The following PPP2R3B variants were observed in gnomAD, a reference collection of about 807,000 sequenced individuals.
PPP2R3B encodes the protein serine/threonine-protein phosphatase 2A regulatory subunit B'' subunit beta.
PPP2R3B carries 68 observed loss-of-function variants against 72.9 expected under a neutral mutation model. The observed-to-expected ratio is 0.93, with a 90% CI of 0.77 to 1.14. PPP2R3B has a LOEUF of 1.14. Among genes scored for constraint, PPP2R3B ranks in the 50% most tolerant of loss-of-function variants. PPP2R3B has a pLI of 0.00. For synonymous variants in PPP2R3B, 466 were observed against 375.8 expected, an observed-to-expected ratio of 1.24 and a Z score of -2.78; for missense variants, 1,018 against 842.0, an observed-to-expected ratio of 1.21 and a Z score of -2.59.
intron 2 of PPP2R3B, among the ~76,000 whole-genome samples, chrX:353,520 T>C (rs1023880191): frequency 6.6e-6 from 1 of 152,060 alleles, no homozygotes; most frequent in African/African-American, 2.4e-5. Flanking sequence ...ATAACACCCA[T>C]TCTAAACAAA....
chrX:373,669 G>A (rs2071919745), intron 1 of PPP2R3B: 2 of 220,608 alleles, frequency 9.1e-6, no homozygotes, highest in Non-Finnish European at 1.9e-5. Context: ...CCGCCGGCGC[G>A]CAGGGCTCTC....
chrX:347,938 G>A (rs2071257931), intron 2 of PPP2R3B: 2 of 469,048 alleles, frequency 4.3e-6, no homozygotes, highest in South Asian at 4.0e-5. Flanking sequence ...GACCACGCGT[G>A]GGCACTGTAA....
chrX:340,296 T>A (rs1463411135), intron 10 of PPP2R3B, among the ~76,000 whole-genome samples: 1 of 147,034 alleles, frequency 6.8e-6, no homozygotes, highest in Admixed American at 6.8e-5. Context: ...CCCGGTGAGC[T>A]CCGGCCCTAG....
chrX:339,226 C>A (rs2070985934), intron 10 of PPP2R3B, among the ~76,000 whole-genome samples: 2 of 141,492 alleles, frequency 1.4e-5, no homozygotes, highest in African/African-American at 5.3e-5. Context: ...AGGCAGAGGC[C>A]AGAGGGTGTC....
At position 340,877 on chromosome X, in the gene PPP2R3B, G is replaced by A. The variant is rs142640052; in HGVS notation, c.1239C>T (p.Leu413=). Residue 413 remains leucine (L), a synonymous_variant, in exon 10 of 13, where the codon CTC becomes CTT. Coordinates refer to ENST00000390665, the MANE Select transcript of PPP2R3B (RefSeq NM_013239.5). ...DGDGALSMFE[L]EYFYEEQCRR... ...GGCACTGCTCCTCGTAGAAGTACTC[G>A]AGCTCGAACATGGACAGGGCGCCGT... 569 of 1,612,052 alleles carry A rather than the reference G, an allele frequency of 3.5e-4. 3 individuals carry two copies. In the African/African-American group the frequency reaches 6.8e-3, roughly 19 times the overall value.
chrX:352,395 C>A lies in PPP2R3B; in HGVS notation c.511-4702G>T, dbSNP rs367822286. 5.9e-5 allele frequency among the ~76,000 whole-genome samples: 9 copies of A among 152,380 alleles called. No homozygotes were observed. The East Asian group carries it at 1.7e-3, about 29-fold the overall frequency. On this transcript the variant is annotated intron_variant, in intron 2 of 12. Coordinates refer to ENST00000390665, the MANE Select transcript of PPP2R3B (RefSeq NM_013239.5). ...CCGCAGTCCGCTACGGCGACGGCCC[C>A]CAGGCCTCCTCCCCGTGGCTCCAGT...
intron 1 of PPP2R3B, among the ~76,000 whole-genome samples, chrX:368,028 G>A (rs867479931): frequency 7.9e-5 from 12 of 152,358 alleles, no homozygotes; most frequent in South Asian, 4.1e-4. Flanking sequence ...GCCTGACAAC[G>A]CAGCCTCGGC....
intron 1 of PPP2R3B, among the ~76,000 whole-genome samples, chrX:364,541 AC>A (rs1377582075): frequency 6.6e-6 from 1 of 151,528 alleles, no homozygotes. Context: ...AAAACAGAAA[AC>A]AAAAAACAAA....
At chrX:342,049 T>TCCCAGACCCA in intron 7 of PPP2R3B, 118 bp from the exon 8 acceptor site, 1 of 1,350,540 alleles carries the variant, frequency 7.4e-7, no homozygotes, top group Non-Finnish European at 1.1e-6. Context: ...CGCCTGGGTC[T>TCCCAGACCCA]GGGAGAGCCC....
intron 1 of PPP2R3B, among the ~76,000 whole-genome samples, chrX:379,245 G>C (rs2072069705): frequency 6.6e-6 from 1 of 151,164 alleles, no homozygotes; most frequent in Non-Finnish European, 1.5e-5. Context: ...ACCTATGTGT[G>C]TGTGTGTGTA....
intron 7 of PPP2R3B, among the ~76,000 whole-genome samples, chrX:342,418 G>C (rs769355635): frequency 6.3e-5 from 7 of 110,516 alleles, no homozygotes; most frequent in African/African-American, 1.8e-4. Flanking sequence ...TGAGACCTCA[G>C]CAACGGGAGG....
At chrX:356,770 C>G (rs1413583770) in intron 2 of PPP2R3B, among the ~76,000 whole-genome samples, 1 of 147,446 alleles carries the variant, frequency 6.8e-6, no homozygotes, top group African/African-American at 2.6e-5. Flanking sequence ...ACTGCCCATA[C>G]GGCCAGGGAC....
At chrX:364,419 G>A (rs1300304339) in intron 1 of PPP2R3B, among the ~76,000 whole-genome samples, 2 of 150,500 alleles carry the variant, frequency 1.3e-5, no homozygotes, top group Admixed American at 6.6e-5. Context: ...CAATCCTGGC[G>A]CTTTGAAAGG....
intron 2 of PPP2R3B, among the ~76,000 whole-genome samples, chrX:354,134 GGGGGCTCACCCAAACACCGGGGGCTCA>G (rs2071391981): frequency 8.0e-6 from 1 of 124,956 alleles, no homozygotes; most frequent in African/African-American, 4.1e-5. Context: ...CCCAAAGACT[GGGGGCTCACCCAAACACCGGGGGCTCA>G]CCCAGGGACT....
At position 334,136 on chromosome X, in the gene PPP2R3B, G is replaced by A. The variant is rs28737189; in HGVS notation, c.*231C>T. 950 of 423,546 alleles carry A rather than the reference G, an allele frequency of 2.2e-3. 10 individuals carry two copies. Among genetic ancestry groups the A allele is most frequent in the African/African-American group, 0.016 (785 of 47,850 alleles). 26.2% of individuals were successfully genotyped at this position (423,546 alleles called of 1,614,324 possible). A position where few individuals can be genotyped will look rare whatever the true frequency, so the allele number is the denominator to read the frequency against. On this transcript the variant is annotated 3_prime_UTR_variant, in exon 13 of 13. Transcript: ENST00000390665. ...GAACGGCAAGCGCCAGAGGGTGTCC[G>A]TGTGGGAACCCGTCCCATTCACGCG...
At chrX:345,763 G>A (rs2071190691) in intron 6 of PPP2R3B, 91 bp from the exon 7 acceptor site, 1 of 1,492,942 alleles carries the variant, frequency 6.7e-7, no homozygotes, top group Non-Finnish European at 9.1e-7. Flanking sequence ...AAGGCTGGGA[G>A]GGTCGGGGCC....
intron 7 of PPP2R3B, among the ~76,000 whole-genome samples, chrX:344,267 G>GGGAGTGAGACCTCACCAACGGGAGGCC: frequency 7.1e-6 from 1 of 141,156 alleles, no homozygotes; most frequent in East Asian, 2.2e-4. Flanking sequence ...AAGGAGAGGC[G>GGGAGTGAGACCTCACCAACGGGAGGCC]GGAGTGAGAC....
At chrX:361,312 CGT>C in intron 2 of PPP2R3B, 91 bp downstream of exon 2, 1 of 1,426,210 alleles carries the variant, frequency 7.0e-7, no homozygotes, top group Non-Finnish European at 9.7e-7. Context: ...CACTCACGCT[CGT>C]GTGACACGCA....
Position 346,782 on chromosome X carries a change from G to A in PPP2R3B, c.718-7C>T. Reference sequence around the variant, plus strand: ...GGTGCGTGTTCACCACGTCCTGCGGGTGGGAAGACACGAGGCGCGTGGTGT... The same window carrying A: ...GGTGCGTGTTCACCACGTCCTGCGGATGGGAAGACACGAGGCGCGTGGTGT... On this transcript the variant is annotated splice_region_variant and splice_polypyrimidine_tract_variant and intron_variant, in intron 4 of 12. Coordinates refer to ENST00000390665, the MANE Select transcript of PPP2R3B (RefSeq NM_013239.5). The A allele has an allele frequency of 6.2e-7, 1 of 1,608,332 alleles. No individual in the cohort carries two copies. The highest frequency in any genetic ancestry group is 8.5e-7 in the Non-Finnish European group (1 of 1,177,512).
Sources: gnomAD v4.1 joint callset for allele counts (sites outside exome capture counted in the v4.1 genomes callset) on GRCh38, gnomAD v4.1.1 for gene constraint, MANE v1.5 for transcripts, NCBI Gene and HGNC (gene_info 2026-07-23, HGNC 2026-07-21) for gene names.